PCDHGB7: variants seen among roughly 807,000 people sequenced by gnomAD.
PCDHGB7 encodes the protein protocadherin gamma subfamily B, 7, also known as protocadherin gamma-B7.
A neutral mutation model predicts 61.4 loss-of-function variants in PCDHGB7; 37 were observed. The ratio of observed to expected loss-of-function variants is 0.60; its 90% CI spans 0.46 to 0.79. PCDHGB7 has a LOEUF of 0.79. PCDHGB7 is among the 30% of genes least tolerant of loss of function. The pLI is 0.00. For missense variants in PCDHGB7, 1,166 were observed against 1,202.5 expected (o/e 0.97, Z 0.45); for synonymous variants, 464 against 503.5 (o/e 0.92, Z 1.05).
intron 1 of PCDHGB7, chr5:141,428,501 C>A (rs970043746): frequency 8.4e-5 from 24 of 285,544 alleles, no homozygotes; most frequent in African/African-American, 3.9e-4. Context: ...TATGTTCCCT[C>A]GGATTCTAGA....
rs2099637746 is a variant in PCDHGB7, at chr5:141,486,980, A to G, written c.2416-7827A>G. Reference sequence around the variant, plus strand: ...TGCTGTGGACTTGGATTCAGGTTACAATGCTTGGGTTTCCTATCAGCTCCT... The same window carrying G: ...TGCTGTGGACTTGGATTCAGGTTACGATGCTTGGGTTTCCTATCAGCTCCT... On this transcript the variant is annotated intron_variant, in intron 1 of 3. Coordinates refer to ENST00000398594, the MANE Select transcript of PCDHGB7 (RefSeq NM_018927.4). This position sits in a 1 kb window ranked among gnomAD's most constrained non-coding sequence, Gnocchi z 5.0. The G allele has an allele frequency of 1.2e-6, 2 of 1,614,040 alleles. No individual in the cohort carries two copies. The highest frequency in any genetic ancestry group is 1.3e-5 in the African/African-American group (1 of 74,908).
intron 1 of PCDHGB7, among the ~76,000 whole-genome samples, chr5:141,458,445 T>G (rs180720013): frequency 6.6e-6 from 1 of 151,738 alleles, no homozygotes; most frequent in East Asian, 1.9e-4. Flanking sequence ...TCCCCCACAT[T>G]AACAATTTTT....
At position 141,486,134 on chromosome 5, in the gene PCDHGB7, C is replaced by T; in HGVS notation, c.2416-8673C>T. 6.2e-7 allele frequency: 1 copy of T among 1,614,168 alleles called. No homozygotes were observed. ...TGAGAATTACTATGAATTTGATGTG[C>T]GGGCTCGCGATGGGGGTTCTCCAGC... On this transcript the variant is annotated intron_variant, in intron 1 of 3. Coordinates refer to ENST00000398594, the MANE Select transcript of PCDHGB7 (RefSeq NM_018927.4). The surrounding 1 kb of genome is among the most constrained non-coding windows in gnomAD (Gnocchi z 5.0).
rs537755017 is a variant in PCDHGB7 at position 141,491,797 on chromosome 5, G to A, written c.2416-3010G>A. 16 of 1,506,818 alleles carry A rather than the reference G, an allele frequency of 1.1e-5. No individual in the cohort carries two copies. In the Admixed American group the frequency reaches 2.2e-4, roughly 20 times the overall value. The allele number at this position is 1,506,818 out of a possible 1,614,324, so 93.3% of individuals were successfully genotyped here. A position where few individuals can be genotyped will look rare whatever the true frequency, so the allele number is the denominator to read the frequency against. ...ATTGAACTTGCATCCACTCCTCTCC[G>A]GCCGGCTTGGTCGCTGGCTGCGCTC... On this transcript the variant is annotated intron_variant, in intron 1 of 3. Transcript: ENST00000398594. The surrounding 1 kb of genome is among the most constrained non-coding windows in gnomAD (Gnocchi z 6.9).
Position 141,432,837 on chromosome 5 carries a change from T to C in PCDHGB7, c.2415+12563T>C. On this transcript the variant is annotated intron_variant, in intron 1 of 3. Transcript: ENST00000398594. This position sits in a 1 kb window ranked among gnomAD's most constrained non-coding sequence, Gnocchi z 6.0. ...GAAACCTCAGACCTCACTCTGTACC[T>C]GGTGGTAGCGGTGGCCGCGGTCTCC... The C allele has an allele frequency of 6.2e-7, 1 of 1,614,180 alleles. No individual in the cohort carries two copies. Among genetic ancestry groups the C allele is most frequent in the Non-Finnish European group, 8.5e-7 (1 of 1,180,004 alleles).
intron 1 of PCDHGB7, among the ~76,000 whole-genome samples, chr5:141,445,553 A>T (rs948468877): frequency 1.3e-5 from 2 of 152,252 alleles, no homozygotes; most frequent in Non-Finnish European, 1.5e-5. Context: ...ATACAAAAGC[A>T]CTAAGAGAAA....
Position 141,486,902 on chromosome 5 carries a change from C to T in PCDHGB7, c.2416-7905C>T, listed in dbSNP as rs2099636761. On this transcript the variant is annotated intron_variant, in intron 1 of 3. Transcript: ENST00000398594. This position sits in a 1 kb window ranked among gnomAD's most constrained non-coding sequence, Gnocchi z 5.0. ...TCGGGCCCGGCCTGGTTCCTTATGT[C>T]CCCAAGCACTGCCTCCATCAGTTGG... 1 of 1,614,226 alleles carries T rather than the reference C, an allele frequency of 6.2e-7. No individual in the cohort carries two copies. The highest frequency in any genetic ancestry group is 8.5e-7 in the Non-Finnish European group (1 of 1,180,044).
At position 141,476,128 on chromosome 5, in the gene PCDHGB7, G is replaced by A. The variant is rs1450094771; in HGVS notation, c.2416-18679G>A. 1 of 1,606,456 alleles carries A rather than the reference G, an allele frequency of 6.2e-7. No homozygotes were observed. Among genetic ancestry groups the A allele is most frequent in the African/African-American group, 1.3e-5 (1 of 74,874 alleles). On this transcript the variant is annotated intron_variant, in intron 1 of 3. Transcript: ENST00000398594. The surrounding 1 kb of genome is among the most constrained non-coding windows in gnomAD (Gnocchi z 7.6). ...TGCTTTTGAGTGAGATGGTCCCAGA[G>A]GCCTGGAGGAGCGGACTGGTAAGCA...
Position 141,432,923 on chromosome 5 carries a change from T to C in PCDHGB7, c.2415+12649T>C. ...GCTCAGGCTGCGGCGCTGGCACAAG[T>C]CACGCCTGCTGCAGGCTTCAGGAGG... On this transcript the variant is annotated intron_variant, in intron 1 of 3. Coordinates refer to ENST00000398594, the MANE Select transcript of PCDHGB7 (RefSeq NM_018927.4). This position sits in a 1 kb window ranked among gnomAD's most constrained non-coding sequence, Gnocchi z 6.0. The C allele has an allele frequency of 6.2e-7, 1 of 1,614,186 alleles. No homozygotes were observed. Among genetic ancestry groups the C allele is most frequent in the Non-Finnish European group, 8.5e-7 (1 of 1,180,034 alleles).
At chr5:141,507,931 G>A (rs1442781255) in intron 3 of PCDHGB7, 1 of 152,326 alleles carries the variant, frequency 6.6e-6, no homozygotes, top group African/African-American at 2.4e-5. Context: ...CTGCTGAGAG[G>A]GGTTAAGTAA....
chr5:141,423,730 A>G, intron 1 of PCDHGB7: 1 of 831,022 alleles, frequency 1.2e-6, no homozygotes. Flanking sequence ...ATGTTTTTTG[A>G]GCCTGTTATG....
Position 141,489,764 on chromosome 5 carries a change from A to G in PCDHGB7, c.2416-5043A>G. ...GTGAGCTTTTACACTCTAAGCCCCA[A>G]CAGCCACTTCTCTCTGAATGTGAAG... is the stretch of plus-strand genomic sequence containing the variant. On this transcript the variant is annotated intron_variant, in intron 1 of 3. Transcript: ENST00000398594. The surrounding 1 kb of genome is among the most constrained non-coding windows in gnomAD (Gnocchi z 4.5). 2 of 1,613,556 alleles carry G rather than the reference A, an allele frequency of 1.2e-6. No homozygotes were observed. The highest frequency in any genetic ancestry group is 1.7e-6 in the Non-Finnish European group (2 of 1,179,894).
At chr5:141,422,302 G>A (rs749870505) in intron 1 of PCDHGB7, 2 of 1,549,012 alleles carry the variant, frequency 1.3e-6, no homozygotes, top group Admixed American at 4.3e-5. Flanking sequence ...TTCAATTCTG[G>A]AAAACTCTCC....
chr5:141,497,840 C>T (rs1326804289), intron 2 of PCDHGB7, among the ~76,000 whole-genome samples: 1 of 152,154 alleles, frequency 6.6e-6, no homozygotes, highest in Non-Finnish European at 1.5e-5. Context: ...CCGGCCACAA[C>T]AAACATTTTT....
Position 141,477,568 on chromosome 5 carries a change from C to T in PCDHGB7, c.2416-17239C>T, listed in dbSNP as rs2099413139. The T allele has an allele frequency of 6.2e-7, 1 of 1,614,172 alleles. No individual in the cohort carries two copies. The highest frequency in any genetic ancestry group is 1.7e-4 in the Middle Eastern group (1 of 6,060). On this transcript the variant is annotated intron_variant, in intron 1 of 3. Transcript: ENST00000398594. This position sits in a 1 kb window ranked among gnomAD's most constrained non-coding sequence, Gnocchi z 4.9. ...TACTAAACCTAAGTGTCTGGGACCC[C>T]GACGCCCCGCAGAATGCTCGGCTTT...
In PCDHGB7 at chr5:141,485,042, C is replaced by T; in HGVS notation, c.2416-9765C>T. ...CAGCAAAAACGGCGCGTAACCCTTGCGGCGCCGGCCGAACCGCGCCAGAGC... is the reference window on the plus strand; with the variant it reads ...CAGCAAAAACGGCGCGTAACCCTTGTGGCGCCGGCCGAACCGCGCCAGAGC... On this transcript the variant is annotated intron_variant, in intron 1 of 3. Coordinates refer to ENST00000398594, the MANE Select transcript of PCDHGB7 (RefSeq NM_018927.4). This position sits in a 1 kb window ranked among gnomAD's most constrained non-coding sequence, Gnocchi z 5.7. 1 of 724,054 alleles carries T rather than the reference C, an allele frequency of 1.4e-6. No individual in the cohort carries two copies. Among genetic ancestry groups the T allele is most frequent in the South Asian group, 1.8e-5 (1 of 56,650 alleles). 44.9% of individuals were successfully genotyped at this position (724,054 alleles called of 1,614,324 possible). A position where few individuals can be genotyped will look rare whatever the true frequency, so the allele number is the denominator to read the frequency against.
intron 2 of PCDHGB7, among the ~76,000 whole-genome samples, chr5:141,501,236 G>T (rs571684337): frequency 5.5e-4 from 83 of 150,782 alleles, no homozygotes; most frequent in African/African-American, 2.0e-3. Context: ...TCAGTTTTTT[G>T]AGCATGATGT....
chr5:141,427,751 C>G (rs778043340), intron 1 of PCDHGB7: 6 of 1,306,076 alleles, frequency 4.6e-6, no homozygotes, highest in Non-Finnish European at 6.6e-6. Context: ...CCTACTCCAT[C>G]GTTACCACTG....
rs148798222 is a variant in PCDHGB7, at chr5:141,432,106, G to A, written c.2415+11832G>A. On this transcript the variant is annotated intron_variant, in intron 1 of 3. Coordinates refer to ENST00000398594, the MANE Select transcript of PCDHGB7 (RefSeq NM_018927.4). This position sits in a 1 kb window ranked among gnomAD's most constrained non-coding sequence, Gnocchi z 6.0. The stretch of plus-strand genomic sequence containing the variant: ...ACGTGGCAGACACCAACGACAACCC[G>A]CCGGTCTTCCCTCAGGCCTCCTATT... 4 of 1,614,068 alleles carry A rather than the reference G, an allele frequency of 2.5e-6. No homozygotes were observed. Among genetic ancestry groups the A allele is most frequent in the Non-Finnish European group, 3.4e-6 (4 of 1,180,020 alleles).
Sources: allele counts gnomAD v4.1 joint callset (sites outside exome capture counted in the v4.1 genomes callset), GRCh38; gene constraint gnomAD v4.1.1; non-coding constraint Gnocchi (gnomAD v3.1); transcripts MANE v1.5; gene names NCBI Gene and HGNC (gene_info 2026-07-23, HGNC 2026-07-21).